RELT: variants seen among roughly 807,000 people sequenced by gnomAD.
RELT encodes tumor necrosis factor receptor superfamily member 19L.
Under a neutral mutation model 51.1 loss-of-function variants are expected in RELT, and 37 were observed. The observed-to-expected ratio is 0.72, with a 90% confidence interval of 0.56 to 0.95. The LOEUF (loss-of-function observed/expected upper bound fraction) is 0.95, where lower values mean the gene tolerates loss of function less well. Among genes scored for constraint, RELT ranks in the 40% least tolerant of loss-of-function variants. The pLI is 0.00. For missense variants in RELT, 535 were observed against 572.6 expected (o/e 0.93, Z 0.67); for synonymous variants, 241 against 235.7 (o/e 1.02, Z -0.21).
intron 1 of RELT, among the ~76,000 whole-genome samples, chr11:73,379,207 A>ACC (rs1381150545): frequency 6.6e-6 from 1 of 152,124 alleles, no homozygotes; most frequent in Non-Finnish European, 1.5e-5. Context: ...AGCCGGAGTT[A>ACC]TTTCCATCCT....
chr11:73,392,654 C>T, intron 6 of RELT, 186 bp downstream of exon 6: 3 of 1,421,326 alleles, frequency 2.1e-6, no homozygotes, highest in Non-Finnish European at 2.8e-6. Flanking sequence ...GCCGTGGGGG[C>T]AGAGCAGAGG....
chr11:73,384,305 C>T (rs1010606452), intron 1 of RELT: 1 of 152,246 alleles, frequency 6.6e-6, no homozygotes, highest in African/African-American at 2.4e-5. Flanking sequence ...TCCCAGACTC[C>T]TCCAGACTCC....
rs757822466 is a variant in RELT at position 73,392,485 on chromosome 11, G to A, written c.625+17G>A. On this transcript the variant is annotated intron_variant, in intron 6 of 10. Transcript: ENST00000064780. ...GAGGCAGTGGTGAGGCCCAGCTGGGGTCCAGGTGGGAAGGACGGGGGCACG... is the reference window on the plus strand; with the variant it reads ...GAGGCAGTGGTGAGGCCCAGCTGGGATCCAGGTGGGAAGGACGGGGGCACG... 2.7e-5 allele frequency: 44 copies of A among 1,606,852 alleles called. No individual in the cohort carries two copies. Among genetic ancestry groups the A allele is most frequent in the Middle Eastern group, 3.3e-4 (2 of 6,070 alleles).
chr11:73,378,157 C>T (rs2134435438), intron 1 of RELT, among the ~76,000 whole-genome samples: 1 of 152,280 alleles, frequency 6.6e-6, no homozygotes, highest in East Asian at 1.9e-4. Flanking sequence ...GAGCGGTACC[C>T]TTTCGCCATC....
chr11:73,390,306 C>T (rs762943069), intron 2 of RELT, among the ~76,000 whole-genome samples: 4 of 152,116 alleles, frequency 2.6e-5, no homozygotes, highest in Non-Finnish European at 4.4e-5. Context: ...TGGGGCTTTC[C>T]AGCACTTTCC....
intron 1 of RELT, among the ~76,000 whole-genome samples, chr11:73,377,602 C>G (rs751207831): frequency 6.6e-6 from 1 of 151,902 alleles, no homozygotes; most frequent in Non-Finnish European, 1.5e-5. Context: ...ACTCACGCAT[C>G]GAAGTCCCTA....
intron 1 of RELT, among the ~76,000 whole-genome samples, chr11:73,382,815 C>T (rs191958040): frequency 7.2e-5 from 11 of 152,274 alleles, no homozygotes; most frequent in Admixed American, 3.3e-4. Flanking sequence ...CCTCTCTGCC[C>T]GAGATAACTG....
At chr11:73,393,412 A>T in intron 6 of RELT, 1 of 1,166,846 alleles carries the variant, frequency 8.6e-7, no homozygotes, top group Non-Finnish European at 1.1e-6. Context: ...GCACTCAGTT[A>T]AATTGTTACA....
intron 9 of RELT, 50 bp from the exon 10 acceptor site, chr11:73,395,026 CTGCCTTCTCTG>C: frequency 7.0e-7 from 1 of 1,431,674 alleles, no homozygotes; most frequent in Non-Finnish European, 9.8e-7. Flanking sequence ...CGGGCACGTG[CTGCCTTCTCTG>C]TGCCCCGGGA....
At position 73,394,129 on chromosome 11, in the gene RELT, C is replaced by T; in HGVS notation, c.707-107C>T. 9.0e-7 allele frequency: 1 copy of T among 1,108,454 alleles called. No homozygotes were observed. The highest frequency in any genetic ancestry group is 1.3e-6 in the Non-Finnish European group (1 of 753,918). The allele number at this position is 1,108,454 out of a possible 1,614,324, so 68.7% of individuals were successfully genotyped here. A position where few individuals can be genotyped will look rare whatever the true frequency, so the allele number is the denominator to read the frequency against. The stretch of plus-strand genomic sequence containing the variant: ...GGGAGGAAAAGGCGCACAGCCCAGG[C>T]TGGGAGTGGTGGTATGGAGGGTAGG... On this transcript the variant is annotated intron_variant, in intron 7 of 10. Transcript: ENST00000064780. The surrounding 1 kb of genome is among the most constrained non-coding windows in gnomAD (Gnocchi z 4.9).
intron 2 of RELT, 64 bp from the exon 3 acceptor site, chr11:73,390,487 A>G (rs1866193062): frequency 6.9e-7 from 1 of 1,439,774 alleles, no homozygotes. Flanking sequence ...GGTGGGGGAT[A>G]GATGACCCCA....
At chr11:73,379,031 C>T (rs923257703) in intron 1 of RELT, among the ~76,000 whole-genome samples, 1 of 152,162 alleles carries the variant, frequency 6.6e-6, no homozygotes, top group African/African-American at 2.4e-5. Context: ...CTCTCTGGGC[C>T]TCGGTCTCCC....
At chr11:73,386,980 C>G (rs1461342802) in intron 1 of RELT, among the ~76,000 whole-genome samples, 1 of 148,626 alleles carries the variant, frequency 6.7e-6, no homozygotes, top group Non-Finnish European at 1.5e-5. Context: ...GAGTCTTGCT[C>G]TGTCGCCCAG....
At chr11:73,389,222 C>T (rs1866172958) in intron 2 of RELT, 41 bp downstream of exon 2, 2 of 1,428,212 alleles carry the variant, frequency 1.4e-6, no homozygotes, top group African/African-American at 1.5e-5. Context: ...AAAGCCGCAC[C>T]CTCAGCCCTG....
intron 1 of RELT, among the ~76,000 whole-genome samples, chr11:73,380,707 G>A (rs967034361): frequency 9.2e-5 from 14 of 152,168 alleles, no homozygotes; most frequent in African/African-American, 3.1e-4. Context: ...CTGGCTGGGC[G>A]GGACCTGACT....
rs11544310 is a variant in RELT, at chr11:73,396,547, A to G, written c.*1056A>G. ...GCAGGCATGGGCCCACTGCCTGTCC[A>G]TCCTGTTTCTCTTATTTATTGAAAC... is the stretch of plus-strand genomic sequence containing the variant. On this transcript the variant is annotated 3_prime_UTR_variant, in exon 11 of 11. Coordinates refer to ENST00000064780, the MANE Select transcript of RELT (RefSeq NM_152222.2). 0.15 allele frequency: 23,475 copies of G among 152,322 alleles called. 2,370 individuals carry two copies. Among genetic ancestry groups the G allele is most frequent in the African/African-American group, 0.28 (11,491 of 41,538 alleles). 9.4% of individuals were successfully genotyped at this position (152,322 alleles called of 1,614,324 possible).
chr11:73,386,810 T>C (rs1866131199), intron 1 of RELT, among the ~76,000 whole-genome samples: 1 of 152,122 alleles, frequency 6.6e-6, no homozygotes, highest in South Asian at 2.1e-4. Flanking sequence ...GTTGGGGTGG[T>C]TCTAGGGCTC....
intron 1 of RELT, among the ~76,000 whole-genome samples, chr11:73,377,472 A>T (rs1389982279): frequency 6.6e-6 from 1 of 151,994 alleles, no homozygotes; most frequent in African/African-American, 2.4e-5. Context: ...ACCCTGAGGG[A>T]TAGGCCCTGG....
chr11:73,392,945 G>A (rs987439649), intron 6 of RELT: 16 of 1,011,634 alleles, frequency 1.6e-5, no homozygotes, highest in Admixed American at 1.0e-4. Flanking sequence ...GCCTGGAACC[G>A]GAGGGACAGG....
Sources: gnomAD v4.1 joint callset for allele counts (sites outside exome capture counted in the v4.1 genomes callset) on GRCh38, gnomAD v4.1.1 for gene constraint, Gnocchi (gnomAD v3.1) non-coding constraint, MANE v1.5 for transcripts, NCBI Gene and HGNC (gene_info 2026-07-23, HGNC 2026-07-21) for gene names.